RAD51D: variants seen among roughly 807,000 people sequenced by gnomAD.
RAD51D encodes the protein DNA repair protein RAD51 homolog 4.
In RAD51D, 38 loss-of-function variants were observed where a neutral mutation model predicts 44.1. The observed-to-expected ratio is 0.86, with a 90% CI of 0.67 to 1.13. RAD51D has a LOEUF of 1.13. Ranked by LOEUF, RAD51D falls within the 50% of genes most tolerant of loss-of-function variation. The probability of loss-of-function intolerance (pLI) is 0.00; values close to 1 mark genes in which losing one functional copy is unlikely to be tolerated. For synonymous variants in RAD51D, 141 were observed against 166.6 expected (o/e 0.85, Z 1.18); for missense variants, 390 against 414.0 (o/e 0.94, Z 0.50).
chr17:35,103,337 G>A lies in RAD51D; in HGVS notation c.668-13C>T, dbSNP rs765122620. The A allele has an allele frequency of 2.5e-6, 4 of 1,612,478 alleles. No individual in the cohort carries two copies. In the African/African-American group the frequency reaches 5.3e-5, roughly 22 times the overall value. ...ATCAAGGCCAAGCCTGCAGGAGGAGGAGAAGCAGAGAGGGAGGGCAGTGGG... is the reference window on the plus strand; with the variant it reads ...ATCAAGGCCAAGCCTGCAGGAGGAGAAGAAGCAGAGAGGGAGGGCAGTGGG... On this transcript the variant is annotated splice_polypyrimidine_tract_variant and intron_variant, in intron 7 of 9. Transcript: ENST00000345365. This position sits in a 1 kb window ranked among gnomAD's most constrained non-coding sequence, Gnocchi z 4.1.
At chr17:35,111,929 T>C (rs904680021) in intron 3 of RAD51D, among the ~76,000 whole-genome samples, 2 of 152,248 alleles carry the variant, frequency 1.3e-5, no homozygotes, top group African/African-American at 4.8e-5. Context: ...GTACATGTCA[T>C]CCATTTATCC....
At chr17:35,111,209 T>C (rs2091671445) in intron 3 of RAD51D, among the ~76,000 whole-genome samples, 1 of 151,028 alleles carries the variant, frequency 6.6e-6, no homozygotes, top group Non-Finnish European at 1.5e-5. Flanking sequence ...AGAAACCCCG[T>C]CTCTACTAAA....
rs998481881 is a variant in RAD51D at position 35,099,660 on chromosome 17, A to T, written c.*1293T>A. The T allele has an allele frequency of 1.6e-5, 6 of 380,306 alleles. No homozygotes were observed. The highest frequency in any genetic ancestry group is 1.3e-4 in the African/African-American group (6 of 47,394). 23.6% of individuals were successfully genotyped at this position (380,306 alleles called of 1,614,324 possible). A position where few individuals can be genotyped will look rare whatever the true frequency, so the allele number is the denominator to read the frequency against. ...GTTGCATTCATCACCTCTAAATGTC[A>T]TTACTTTCTGAGTGTAACTCGGACC... On this transcript the variant is annotated 3_prime_UTR_variant, in exon 10 of 10. Coordinates refer to ENST00000345365, the MANE Select transcript of RAD51D (RefSeq NM_002878.4).
chr17:35,106,027 T>C, intron 6 of RAD51D: 1 of 456,926 alleles, frequency 2.2e-6, no homozygotes, highest in South Asian at 1.6e-5. Flanking sequence ...AGCATGGACC[T>C]GCCAACCTCC....
chr17:35,110,034 G>A (rs2091656748), intron 3 of RAD51D, among the ~76,000 whole-genome samples: 1 of 149,088 alleles, frequency 6.7e-6, no homozygotes, highest in Non-Finnish European at 1.5e-5. Flanking sequence ...CAGTGGCATG[G>A]TCACAGCTCA....
intron 3 of RAD51D, among the ~76,000 whole-genome samples, chr17:35,111,534 C>A (rs2091676694): frequency 6.6e-6 from 1 of 151,954 alleles, no homozygotes; most frequent in Non-Finnish European, 1.5e-5. Flanking sequence ...GCAGTACCCT[C>A]CATCCTGGGT....
rs1019749676 is a variant in RAD51D, at chr17:35,119,849, G to A, written c.-236C>T. On this transcript the variant is annotated 5_prime_UTR_variant, in exon 1 of 10. Transcript: ENST00000345365. Reference sequence around the variant, plus strand: ...GAGCCCGCCCGCCGGGTCGCGCCGCGCTGCCGCTTCCGGGTTCCAGGCTGG... The same window carrying A: ...GAGCCCGCCCGCCGGGTCGCGCCGCACTGCCGCTTCCGGGTTCCAGGCTGG... The A allele has an allele frequency of 1.4e-5, 9 of 661,984 alleles. No homozygotes were observed. Among genetic ancestry groups the A allele is most frequent in the Non-Finnish European group, 1.9e-5 (7 of 363,312 alleles). The allele number at this position is 661,984 out of a possible 1,614,324, so 41.0% of individuals were successfully genotyped here.
rs2084675639 is a variant in RAD51D at position 35,099,987 on chromosome 17, A to G, written c.*966T>C. ...TGCATCTTGGAGCCACCAGCAATGAATTTCTGCATAAAGGACTAGATTTGC... is the reference window on the plus strand; with the variant it reads ...TGCATCTTGGAGCCACCAGCAATGAGTTTCTGCATAAAGGACTAGATTTGC... On this transcript the variant is annotated 3_prime_UTR_variant, in exon 10 of 10. Coordinates refer to ENST00000345365, the MANE Select transcript of RAD51D (RefSeq NM_002878.4). 1.9e-6 allele frequency: 1 copy of G among 528,204 alleles called. No individual in the cohort carries two copies. The highest frequency in any genetic ancestry group is 1.9e-5 in the African/African-American group (1 of 53,468). The allele number at this position is 528,204 out of a possible 1,614,324, so 32.7% of individuals were successfully genotyped here.
chr17:35,092,725 TG>T lies in RAD51D; in HGVS notation c.*8227del, dbSNP rs1250135772. ...ATATAAAGTGTTTTTTGTTTTGTTT[TG>T]TTTTTTTAATGAGAGAGGATGTGTA... is the stretch of plus-strand genomic sequence containing the variant. On this transcript the variant is annotated 3_prime_UTR_variant, in exon 10 of 10. Coordinates refer to ENST00000345365, the MANE Select transcript of RAD51D (RefSeq NM_002878.4). 4 of 152,192 alleles carry T rather than the reference TG, an allele frequency of 2.6e-5. No homozygotes were observed. The highest frequency in any genetic ancestry group is 5.9e-5 in the Non-Finnish European group (4 of 68,030). The allele number at this position is 152,192 out of a possible 1,614,324, so 9.4% of individuals were successfully genotyped here.
At chr17:35,118,983 C>G (rs1046823070) in intron 2 of RAD51D, 128 bp downstream of exon 2, 1 of 847,926 alleles carries the variant, frequency 1.2e-6, no homozygotes, top group Non-Finnish European at 2.0e-6. Flanking sequence ...CTTCTGACTC[C>G]AAGTGACCCA....
chr17:35,099,774 A>C lies in RAD51D; in HGVS notation c.*1179T>G, dbSNP rs2091512979. On this transcript the variant is annotated 3_prime_UTR_variant, in exon 10 of 10. Transcript: ENST00000345365. Reference sequence around the variant, plus strand: ...TGACCTTCCTTTAAAAGATGTGGCCAGTAACCAATCCTGATCATTTCTGTA... The same window carrying C: ...TGACCTTCCTTTAAAAGATGTGGCCCGTAACCAATCCTGATCATTTCTGTA... 3 of 433,304 alleles carry C rather than the reference A, an allele frequency of 6.9e-6. No individual in the cohort carries two copies. The highest frequency in any genetic ancestry group is 9.1e-6 in the Non-Finnish European group (2 of 220,488). 26.8% of individuals were successfully genotyped at this position (433,304 alleles called of 1,614,324 possible). A position where few individuals can be genotyped will look rare whatever the true frequency, so the allele number is the denominator to read the frequency against.
intron 3 of RAD51D, among the ~76,000 whole-genome samples, chr17:35,117,284 G>A (rs759964098): frequency 6.6e-6 from 1 of 152,202 alleles, no homozygotes; most frequent in Non-Finnish European, 1.5e-5. Flanking sequence ...CCCAACCAGG[G>A]AAAGCAAGCA....
chr17:35,106,338 C>T (rs2091602447), intron 6 of RAD51D, 48 bp downstream of exon 6: 3 of 1,492,992 alleles, frequency 2.0e-6, no homozygotes, highest in Admixed American at 1.7e-5. Flanking sequence ...ACAGAGATAG[C>T]ACCTAGAAAG....
intron 3 of RAD51D, among the ~76,000 whole-genome samples, chr17:35,110,708 T>C (rs934660093): frequency 2.0e-4 from 30 of 152,336 alleles, no homozygotes; most frequent in Admixed American, 1.9e-3. Flanking sequence ...CAAAAATCAA[T>C]TGTGTGTAAT....
At chr17:35,107,199 G>C (rs2142435030) in intron 4 of RAD51D, 77 bp from the exon 5 acceptor site, 2 of 1,569,932 alleles carry the variant, frequency 1.3e-6, no homozygotes, top group Non-Finnish European at 1.8e-6. Flanking sequence ...ACCTTGCCCA[G>C]ATTCCAGCAA....
At chr17:35,107,814 G>T (rs2091627149) in intron 3 of RAD51D, among the ~76,000 whole-genome samples, 1 of 146,482 alleles carries the variant, frequency 6.8e-6, no homozygotes, top group African/African-American at 2.5e-5. Context: ...GAGTGCAGTG[G>T]CGTGATCTCT....
chr17:35,113,361 C>T (rs143564927), intron 3 of RAD51D, among the ~76,000 whole-genome samples: 223 of 152,226 alleles, frequency 1.5e-3, no homozygotes, highest in Middle Eastern at 6.8e-3. Flanking sequence ...CTCCGCCTCT[C>T]GGGTTCAAAC....
intron 8 of RAD51D, among the ~76,000 whole-genome samples, chr17:35,102,004 A>G (rs1228488778): frequency 6.6e-6 from 1 of 152,154 alleles, no homozygotes; most frequent in Non-Finnish European, 1.5e-5. Flanking sequence ...GAATGTATTT[A>G]ACACCACCGA....
intron 3 of RAD51D, chr17:35,113,539 G>A (rs1468774232): frequency 4.5e-6 from 2 of 441,140 alleles, no homozygotes; most frequent in Admixed American, 2.4e-5. Context: ...AAAGTGCTGG[G>A]ATTATAGGCA....
Sources: gnomAD v4.1 joint callset for allele counts (sites outside exome capture counted in the v4.1 genomes callset) on GRCh38, gnomAD v4.1.1 for gene constraint, Gnocchi (gnomAD v3.1) non-coding constraint, MANE v1.5 for transcripts, NCBI Gene and HGNC (gene_info 2026-07-23, HGNC 2026-07-21) for gene names.